The following TMEM245 variants were observed in gnomAD, a reference collection of about 807,000 sequenced individuals.
TMEM245 encodes protein CG-2.
A neutral mutation model predicts 101.2 loss-of-function variants in TMEM245; 69 were observed. That is an observed-to-expected ratio of 0.68 (90% CI 0.56 to 0.83). The LOEUF is 0.83. Ranked by LOEUF, TMEM245 falls within the 40% of genes least tolerant of loss-of-function variation. TMEM245 has a pLI of 0.00. For missense variants in TMEM245, 1,075 were observed against 1,092.8 expected, an observed-to-expected ratio of 0.98 and a Z score of 0.23; for synonymous variants, 537 against 449.8, an observed-to-expected ratio of 1.19 and a Z score of -2.45.
chr9:109,030,668 A>G (rs902858040), intron 17 of TMEM245, among the ~76,000 whole-genome samples: 26 of 152,172 alleles, frequency 1.7e-4, no homozygotes, highest in African/African-American at 6.0e-4. Context: ...GCAGAAAAGG[A>G]TATCATAGTG....
At chr9:109,059,775 C>T (rs1468990392) in intron 11 of TMEM245, among the ~76,000 whole-genome samples, 1 of 151,920 alleles carries the variant, frequency 6.6e-6, no homozygotes, top group African/African-American at 2.4e-5. Flanking sequence ...TTATTAATGC[C>T]TACAGTTGTA....
At chr9:109,100,584 G>A (rs1322425340) in intron 3 of TMEM245, among the ~76,000 whole-genome samples, 1 of 151,966 alleles carries the variant, frequency 6.6e-6, no homozygotes, top group Non-Finnish European at 1.5e-5. Flanking sequence ...TGAACTCCTG[G>A]GCTCAAGCAA....
chr9:109,117,793 A>T (rs1287763442), intron 1 of TMEM245, among the ~76,000 whole-genome samples: 1 of 152,262 alleles, frequency 6.6e-6, no homozygotes, highest in Non-Finnish European at 1.5e-5. Context: ...AACAGTCAAA[A>T]ATGTTAGCAG....
chr9:109,091,405 C>T (rs1323225877), intron 4 of TMEM245, among the ~76,000 whole-genome samples: 2 of 152,074 alleles, frequency 1.3e-5, no homozygotes, highest in African/African-American at 2.4e-5. Context: ...AATTGGGAGT[C>T]ATTAAAACAA....
intron 3 of TMEM245, among the ~76,000 whole-genome samples, chr9:109,104,059 C>T (rs1372195963): frequency 2.0e-5 from 3 of 151,124 alleles, no homozygotes; most frequent in African/African-American, 2.4e-5. Flanking sequence ...CACTCCAGCC[C>T]GGCCAACAGA....
At position 109,049,965 on chromosome 9, in the gene TMEM245, A is replaced by AT. The variant is rs550444378; in HGVS notation, c.2123+317dup. Among the ~76,000 whole-genome samples, 15 of 152,188 alleles carry AT rather than the reference A, an allele frequency of 9.9e-5. No individual in the cohort carries two copies. In the East Asian group the frequency reaches 2.3e-3, roughly 24 times the overall value. On this transcript the variant is annotated intron_variant, in intron 14 of 17. Coordinates refer to ENST00000374586, the MANE Select transcript of TMEM245 (RefSeq NM_032012.4). ...CCACCAAGCCCAGATAATTTTTAAA[A>AT]TTTTTTTATAGAGACAGGGTCTCAC...
chr9:109,116,604 T>G (rs1180422643), intron 1 of TMEM245, among the ~76,000 whole-genome samples: 1 of 151,942 alleles, frequency 6.6e-6, no homozygotes, highest in African/African-American at 2.4e-5. Context: ...CAATCTCAAC[T>G]CACTGCAACC....
At chr9:109,082,952 C>G (rs1192014750) in intron 7 of TMEM245, among the ~76,000 whole-genome samples, 1 of 151,752 alleles carries the variant, frequency 6.6e-6, no homozygotes, top group Non-Finnish European at 1.5e-5. Flanking sequence ...TTAAGATGCT[C>G]AAAAAAGAAG....
chr9:109,107,922 C>G (rs530074684), intron 2 of TMEM245, among the ~76,000 whole-genome samples: 1 of 152,326 alleles, frequency 6.6e-6, no homozygotes, highest in Non-Finnish European at 1.5e-5. Context: ...GAAGCTAACT[C>G]ACAACTCTGA....
intron 9 of TMEM245, among the ~76,000 whole-genome samples, chr9:109,065,167 T>G (rs1829129868): frequency 6.6e-6 from 1 of 152,188 alleles, no homozygotes; most frequent in South Asian, 2.1e-4. Context: ...TGTTCACATG[T>G]CCTGAGTCAC....
intron 4 of TMEM245, 96 bp from the exon 5 acceptor site, chr9:109,091,251 C>CA (rs1236127770): frequency 1.1e-5 from 12 of 1,064,280 alleles, no homozygotes; most frequent in Non-Finnish European, 1.5e-5. Context: ...TTCAGGCCTT[C>CA]AAAATGTGCT....
chr9:109,057,392 A>G, intron 11 of TMEM245, 70 bp from the exon 12 acceptor site: 1 of 1,548,934 alleles, frequency 6.5e-7, no homozygotes, highest in Non-Finnish European at 8.8e-7. Context: ...TAAATGTCAC[A>G]TTTTGCTTCA....
intron 2 of TMEM245, among the ~76,000 whole-genome samples, chr9:109,107,260 G>A (rs1401028214): frequency 9.2e-5 from 14 of 151,696 alleles, no homozygotes; most frequent in South Asian, 2.1e-4. Context: ...TTAGCCAGGC[G>A]TGGTGGTACA....
At chr9:109,117,070 T>C (rs775712437) in intron 1 of TMEM245, among the ~76,000 whole-genome samples, 2 of 152,148 alleles carry the variant, frequency 1.3e-5, no homozygotes, top group Non-Finnish European at 2.9e-5. Context: ...CTCTTTTTCC[T>C]TGCTCCCAAC....
Position 109,091,017 on chromosome 9 carries a change from C to A in TMEM245, c.1055G>T (p.Ser352Ile). 6.2e-7 allele frequency: 1 copy of A among 1,614,174 alleles called. No homozygotes were observed. Among genetic ancestry groups the A allele is most frequent in the Non-Finnish European group, 8.5e-7 (1 of 1,180,038 alleles). The change falls in exon 5 of 18, where the codon AGT (serine) becomes ATT (isoleucine). Residue 352 changes from serine (S) to isoleucine (I), a missense_variant. Physicochemically the swap from Ser to Ile is moderately radical, Grantham distance 142. Transcript: ENST00000374586. ...AACTAGAGACACAAAGTAGATGTCA[C>A]TAGTTTTCTTCTTTCTAAGAAACGT... is the stretch of plus-strand genomic sequence containing the variant. Reference protein sequence around the residue: ...IGTFLRKKKTSDIYFVSLVWA... With the variant: ...IGTFLRKKKTIDIYFVSLVWA...
chr9:109,058,610 T>C (rs1828918550), intron 11 of TMEM245, among the ~76,000 whole-genome samples: 1 of 152,098 alleles, frequency 6.6e-6, no homozygotes, highest in Admixed American at 6.5e-5. Context: ...AGGAATGTTG[T>C]CTTCTTTTTT....
At chr9:109,027,337 GA>G (rs544450690) in intron 17 of TMEM245, among the ~76,000 whole-genome samples, 22 of 120,226 alleles carry the variant, frequency 1.8e-4, no homozygotes, top group Admixed American at 1.8e-3. Context: ...CAGAAAACTA[GA>G]GGTTTTTTTC....
intron 10 of TMEM245, among the ~76,000 whole-genome samples, 195 bp downstream of exon 10, chr9:109,064,282 C>T (rs1012772885): frequency 6.6e-6 from 1 of 152,214 alleles, no homozygotes. Flanking sequence ...ACATGACCAA[C>T]CTCTCAGATT....
chr9:109,083,280 G>A (rs528913235), intron 7 of TMEM245, among the ~76,000 whole-genome samples: 73 of 152,274 alleles, frequency 4.8e-4, no homozygotes, highest in African/African-American at 1.7e-3. Context: ...GATAGGAAGA[G>A]AAACATAAAG....
Sources: gnomAD v4.1 joint callset for allele counts (sites outside exome capture counted in the v4.1 genomes callset) on GRCh38, gnomAD v4.1.1 for gene constraint, MANE v1.5 for transcripts, NCBI Gene and HGNC (gene_info 2026-07-23, HGNC 2026-07-21) for gene names.